Variants in ATP5MC3 observed in about 807,000 individuals in gnomAD.
The protein encoded by ATP5MC3 is ATP synthase F(0) complex subunit C3, mitochondrial.
ATP5MC3 carries 6 observed loss-of-function variants against 15.6 expected under a neutral mutation model. That is an observed-to-expected ratio of 0.38 (90% confidence interval 0.21 to 0.76). The LOEUF (loss-of-function observed/expected upper bound fraction) is 0.76, where lower values mean the gene tolerates loss of function less well. ATP5MC3 is among the 30% of genes least tolerant of loss of function. The pLI, the probability that ATP5MC3 is intolerant of heterozygous loss-of-function variation, is 0.44. For missense variants in ATP5MC3, 132 were observed against 171.2 expected (o/e 0.77, Z 1.28); for synonymous variants, 66 against 63.3 (o/e 1.04, Z -0.20).
chr2:175,180,183 T>TAATGAAA lies in ATP5MC3; in HGVS notation c.40-12_40-6dup, dbSNP rs1221661319. ...AACTCTGGATCCAGCTCGGATCTAT[T>TAATGAAA]AATGAAAAAAAAATAAAGATTTCAA... On this transcript the variant is annotated splice_region_variant and splice_polypyrimidine_tract_variant and intron_variant, in intron 2 of 4. Coordinates refer to ENST00000284727, the MANE Select transcript of ATP5MC3 (RefSeq NM_001689.5). 1 of 1,566,318 alleles carries TAATGAAA rather than the reference T, an allele frequency of 6.4e-7. No individual in the cohort carries two copies. Among genetic ancestry groups the TAATGAAA allele is most frequent in the African/African-American group, 1.4e-5 (1 of 71,938 alleles).
In ATP5MC3 at chr2:175,181,644, C is replaced by T; in HGVS notation, c.-74+12G>A. 2.0e-6 allele frequency: 1 copy of T among 512,200 alleles called. No homozygotes were observed. Among genetic ancestry groups the T allele is most frequent in the South Asian group, 2.9e-5 (1 of 35,014 alleles). 31.7% of individuals were successfully genotyped at this position (512,200 alleles called of 1,614,324 possible). A position where few individuals can be genotyped will look rare whatever the true frequency, so the allele number is the denominator to read the frequency against. On this transcript the variant is annotated intron_variant, in intron 1 of 4. Coordinates refer to ENST00000284727, the MANE Select transcript of ATP5MC3 (RefSeq NM_001689.5). ...CCCTGGCCAGGCCGGGCTCCCTGTG[C>T]CCTCCACTTACCTTCCCAGGAGGCG...
chr2:175,181,541 C>G, intron 1 of ATP5MC3, 75 bp from the exon 2 acceptor site: 3 of 923,150 alleles, frequency 3.2e-6, no homozygotes, highest in East Asian at 5.6e-5. Flanking sequence ...CGCAGGCTCC[C>G]GTGCACGCCG....
At chr2:175,178,726 A>G in intron 4 of ATP5MC3, 4 of 1,159,726 alleles carry the variant, frequency 3.4e-6, no homozygotes, top group Non-Finnish European at 4.3e-6. Flanking sequence ...CTTTTAAGGA[A>G]TGTGCTCTAA....
intron 2 of ATP5MC3, 63 bp downstream of exon 2, chr2:175,181,292 C>G (rs192662247): frequency 1.1e-5 from 17 of 1,573,150 alleles, no homozygotes; most frequent in Non-Finnish European, 1.5e-5. Flanking sequence ...CATTCAACAA[C>G]GTGGACGCTC....
rs72929310 is a variant in ATP5MC3 at position 175,176,906 on chromosome 2, G to A, written c.*1382C>T. 1 of 151,840 alleles carries A rather than the reference G, an allele frequency of 6.6e-6. No individual in the cohort carries two copies. Among genetic ancestry groups the A allele is most frequent in the Non-Finnish European group, 1.5e-5 (1 of 67,962 alleles). The allele number at this position is 151,840 out of a possible 1,614,324, so 9.4% of individuals were successfully genotyped here. On this transcript the variant is annotated 3_prime_UTR_variant, in exon 5 of 5. Transcript: ENST00000284727. ...AGACATTTGGTTGTTTCTACCTTTC[G>A]GCTATTGTAAGTAGTGCTTCTATGA...
Position 175,181,376 on chromosome 2 carries a change from C to G in ATP5MC3, c.18G>C (p.Lys6Asn). The change falls in exon 2 of 5, where the codon AAG becomes AAC. Residue 6 changes from lysine to asparagine, a missense_variant. Transcript: ENST00000284727. Reference sequence around the variant, plus strand: ...GCACCAGAGAGGGGGTGCAGGCGAGCTTGGCGCAGGCGAACATCTTACACT... The same window carrying G: ...GCACCAGAGAGGGGGTGCAGGCGAGGTTGGCGCAGGCGAACATCTTACACT... MFACA[K>N]LACTPSLIRA... 6.2e-7 allele frequency: 1 copy of G among 1,613,940 alleles called. No individual in the cohort carries two copies. Among genetic ancestry groups the G allele is most frequent in the Non-Finnish European group, 8.5e-7 (1 of 1,179,936 alleles).
At chr2:175,181,587 C>G (rs1162674554) in intron 1 of ATP5MC3, 69 bp downstream of exon 1, 1 of 641,952 alleles carries the variant, frequency 1.6e-6, no homozygotes, top group East Asian at 2.9e-5. Flanking sequence ...GGCGCCGGCA[C>G]AATGAATGGG....
At chr2:175,179,581 C>T (rs991181848) in intron 3 of ATP5MC3, 3 of 225,946 alleles carry the variant, frequency 1.3e-5, no homozygotes, top group South Asian at 8.5e-5. Context: ...GATCATAGCT[C>T]ACTATAGCCT....
chr2:175,176,524 GC>G lies in ATP5MC3; in HGVS notation c.*1763del. 1 of 152,174 alleles carries G rather than the reference GC, an allele frequency of 6.6e-6. No homozygotes were observed. The highest frequency in any genetic ancestry group is 1.9e-4 in the East Asian group (1 of 5,190). 9.4% of individuals were successfully genotyped at this position (152,174 alleles called of 1,614,324 possible). A position where few individuals can be genotyped will look rare whatever the true frequency, so the allele number is the denominator to read the frequency against. On this transcript the variant is annotated 3_prime_UTR_variant, in exon 5 of 5. Transcript: ENST00000284727. Reference sequence around the variant, plus strand: ...TTTGAGCCAGATTTAGCAGTGAGGGGCTATATACCAACTTTAATGACACTAA... The same window carrying G: ...TTTGAGCCAGATTTAGCAGTGAGGGGTATATACCAACTTTAATGACACTAA...
Position 175,178,381 on chromosome 2 carries a change from C to G in ATP5MC3, c.336G>C (p.Gln112His). ...GYARNPSLKQQLFSYAILGFA... is the reference protein window; with the variant it reads ...GYARNPSLKQHLFSYAILGFA... ...ATCCCAGGATAGCATATGAGAACAG[C>G]TGCTGCTTCAGCGAAGGGTTTCTAA... The change falls in exon 5 of 5, where the codon CAG becomes CAC. Residue 112 changes from glutamine (Q) to histidine (H), a missense_variant. By Grantham distance (24) the Gln-to-His change is conservative. Transcript: ENST00000284727. 1 of 1,608,938 alleles carries G rather than the reference C, an allele frequency of 6.2e-7. No individual in the cohort carries two copies. The highest frequency in any genetic ancestry group is 8.5e-7 in the Non-Finnish European group (1 of 1,178,414).
intron 4 of ATP5MC3, chr2:175,178,771 ATGCAGACTC>A: frequency 1.7e-6 from 2 of 1,168,890 alleles, no homozygotes; most frequent in Non-Finnish European, 2.2e-6. Context: ...ACAATTAGGA[ATGCAGACTC>A]TGAAGTCAGA....
At chr2:175,180,030 C>A (rs923509637) in intron 3 of ATP5MC3, 68 bp downstream of exon 3, 5 of 1,305,380 alleles carry the variant, frequency 3.8e-6, no homozygotes, top group Non-Finnish European at 4.2e-6. Flanking sequence ...AGTTTTTTTC[C>A]TTCACTCTAA....
chr2:175,178,145 T>TA lies in ATP5MC3; in HGVS notation c.*142dup. The TA allele has an allele frequency of 7.2e-7, 1 of 1,396,298 alleles. No homozygotes were observed. 86.5% of individuals were successfully genotyped at this position (1,396,298 alleles called of 1,614,324 possible). On this transcript the variant is annotated 3_prime_UTR_variant, in exon 5 of 5. Coordinates refer to ENST00000284727, the MANE Select transcript of ATP5MC3 (RefSeq NM_001689.5). ...TGTAAGTACAAATCACAGAAGAAAT[T>TA]AAAGTTTTCATCTTTAATGAAATGA... is the stretch of plus-strand genomic sequence containing the variant.
Position 175,178,185 on chromosome 2 carries a change from T to G in ATP5MC3, c.*103A>C, listed in dbSNP as rs2105413462. On this transcript the variant is annotated 3_prime_UTR_variant, in exon 5 of 5. Coordinates refer to ENST00000284727, the MANE Select transcript of ATP5MC3 (RefSeq NM_001689.5). ...TAATGAAATGACTTTGGAAATAACG[T>G]ACATTCCCATGACACCAATACTACA... is the stretch of plus-strand genomic sequence containing the variant. 6.7e-7 allele frequency: 1 copy of G among 1,484,430 alleles called. No individual in the cohort carries two copies. The highest frequency in any genetic ancestry group is 8.9e-7 in the Non-Finnish European group (1 of 1,119,752). 92.0% of individuals were successfully genotyped at this position (1,484,430 alleles called of 1,614,324 possible).
intron 3 of ATP5MC3, chr2:175,179,748 T>G: frequency 4.6e-6 from 1 of 216,176 alleles, no homozygotes. Context: ...CAAGCAATCC[T>G]CCCTCCTTGG....
chr2:175,178,460 A>C (rs1700721020), intron 4 of ATP5MC3, 58 bp from the exon 5 acceptor site: 6 of 1,548,604 alleles, frequency 3.9e-6, no homozygotes, highest in Non-Finnish European at 5.2e-6. Context: ...ATGTTTGGTA[A>C]ATGTTAAAGA....
At chr2:175,179,492 T>C (rs1700737933) in intron 3 of ATP5MC3, among the ~76,000 whole-genome samples, 1 of 152,060 alleles carries the variant, frequency 6.6e-6, no homozygotes, top group African/African-American at 2.4e-5. Flanking sequence ...AAGTAGGGTT[T>C]TTTGTTTTGT....
chr2:175,178,091 C>T lies in ATP5MC3; in HGVS notation c.*197G>A, dbSNP rs2288960. ...ATGGGACAGCATCTGCCTGAATGCACGTTCTTCTTTGTGATAATCTAAACT... is the reference window on the plus strand; with the variant it reads ...ATGGGACAGCATCTGCCTGAATGCATGTTCTTCTTTGTGATAATCTAAACT... On this transcript the variant is annotated 3_prime_UTR_variant, in exon 5 of 5. Coordinates refer to ENST00000284727, the MANE Select transcript of ATP5MC3 (RefSeq NM_001689.5). 0.15 allele frequency: 159,646 copies of T among 1,091,492 alleles called. 12,095 individuals carry two copies. The highest frequency in any genetic ancestry group is 0.24 in the Middle Eastern group (717 of 2,990). 67.6% of individuals were successfully genotyped at this position (1,091,492 alleles called of 1,614,324 possible).
chr2:175,177,054 T>G lies in ATP5MC3; in HGVS notation c.*1234A>C, dbSNP rs1700697451. 1 of 152,170 alleles carries G rather than the reference T, an allele frequency of 6.6e-6. No individual in the cohort carries two copies. Among genetic ancestry groups the G allele is most frequent in the South Asian group, 2.1e-4 (1 of 4,832 alleles). The allele number at this position is 152,170 out of a possible 1,614,324, so 9.4% of individuals were successfully genotyped here. ...ACCTCTTTAGCTTTTTGGGGCCTCATTTCACTTTACAGAAGGTAGGATATA... is the reference window on the plus strand; with the variant it reads ...ACCTCTTTAGCTTTTTGGGGCCTCAGTTCACTTTACAGAAGGTAGGATATA... On this transcript the variant is annotated 3_prime_UTR_variant, in exon 5 of 5. Transcript: ENST00000284727.
Sources: gnomAD v4.1 joint callset for allele counts (sites outside exome capture counted in the v4.1 genomes callset) on GRCh38, gnomAD v4.1.1 for gene constraint, MANE v1.5 for transcripts, NCBI Gene and HGNC (gene_info 2026-07-23, HGNC 2026-07-21) for gene names.